Variants in ACOT1 observed in about 807,000 individuals in gnomAD.
ACOT1 encodes acyl-CoA thioesterase 1.
Under a neutral mutation model 15.7 loss-of-function variants are expected in ACOT1, and 8 were observed. That is an observed-to-expected ratio of 0.51 (90% confidence interval 0.30 to 0.92). The LOEUF (loss-of-function observed/expected upper bound fraction) is 0.92, where lower values mean the gene tolerates loss of function less well. Ranked by LOEUF, ACOT1 falls within the 40% of genes least tolerant of loss-of-function variation. ACOT1 has a pLI of 0.06. For missense variants in ACOT1, 151 were observed against 539.4 expected, an observed-to-expected ratio of 0.28 and a Z score of 7.13; for synonymous variants, 67 against 241.2, an observed-to-expected ratio of 0.28 and a Z score of 6.69.
chr14:73,534,380 A>G (rs1311198004), upstream of ACOT1, among the ~76,000 whole-genome samples: 1 of 97,876 alleles, frequency 1.0e-5, no homozygotes, highest in Non-Finnish European at 2.2e-5. Context: ...CTCTGTCTTG[A>G]AAAAAAAAAA....
chr14:73,496,739 G>T, the ACOT1 span: 1 of 931,580 alleles, frequency 1.1e-6, no homozygotes, highest in Non-Finnish European at 1.8e-6. Context: ...AAGTATGGGG[G>T]TAGAAAATAT....
the ACOT1 span, among the ~76,000 whole-genome samples, chr14:73,529,411 C>A: frequency 6.6e-6 from 1 of 151,156 alleles, no homozygotes; most frequent in Non-Finnish European, 1.5e-5. Context: ...CAGACCAGGC[C>A]CTGGAATGAG....
At chr14:73,494,618 T>C in the ACOT1 span, among the ~76,000 whole-genome samples, 8 of 152,250 alleles carry the variant, frequency 5.3e-5, no homozygotes, top group Admixed American at 1.3e-4. Context: ...TGGTGAGATA[T>C]TGGGTTACTG....
chr14:73,529,365 AAAAAAAAAAAAATT>A, the ACOT1 span, among the ~76,000 whole-genome samples: 3 of 150,394 alleles, frequency 2.0e-5, no homozygotes, highest in Admixed American at 1.3e-4. Flanking sequence ...AAAAAAAAAA[AAAAAAAAAAAAATT>A]AAGTCAATCC....
At chr14:73,528,601 C>A in the ACOT1 span, among the ~76,000 whole-genome samples, 1 of 152,034 alleles carries the variant, frequency 6.6e-6, no homozygotes, top group Admixed American at 6.6e-5. Context: ...TTGTGCACTT[C>A]CCAGTCATGT....
At chr14:73,500,582 C>T in the ACOT1 span, 2 of 1,613,712 alleles carry the variant, frequency 1.2e-6, no homozygotes, top group Non-Finnish European at 1.7e-6. Context: ...GCACCAGCTG[C>T]CAAACAGGCT....
In ACOT1 at chr14:73,541,673, A is replaced by G; in HGVS notation, c.638A>G (p.Asn213Ser). Residue 213 changes from asparagine (N) to serine (S), a missense_variant, in exon 2 of 3, where the codon AAC becomes AGC. Transcript: ENST00000311148. Reference protein sequence around the residue: ...LHLEYFEEAVNYLLSHPEVKG... With the variant: ...LHLEYFEEAVSYLLSHPEVKG... ...CTGGAGTACTTTGAAGAAGCTGTGA[A>G]CTACTTGCTCAGTCATCCTGAGGTG... is the stretch of plus-strand genomic sequence containing the variant. 8.0e-7 allele frequency: 1 copy of G among 1,243,186 alleles called. No homozygotes were observed. The allele number at this position is 1,243,186 out of a possible 1,614,324, so 77.0% of individuals were successfully genotyped here.
chr14:73,496,818 C>G, the ACOT1 span: 1 of 610,090 alleles, frequency 1.6e-6, no homozygotes, highest in South Asian at 2.0e-5. Flanking sequence ...GCCTTATATG[C>G]AAAAATGGTA....
chr14:73,517,972 G>C, the ACOT1 span, among the ~76,000 whole-genome samples: 8 of 152,180 alleles, frequency 5.3e-5, no homozygotes. Flanking sequence ...TGTAGTCCCA[G>C]CTACTCGTGA....
chr14:73,491,579 G>C, the ACOT1 span: 2 of 1,543,774 alleles, frequency 1.3e-6, no homozygotes, highest in South Asian at 1.2e-5. Context: ...GCTGCGGCGC[G>C]TCTTGGCCGA....
At chr14:73,508,473 G>A in the ACOT1 span, among the ~76,000 whole-genome samples, 2 of 152,108 alleles carry the variant, frequency 1.3e-5, no homozygotes, top group African/African-American at 4.8e-5. Flanking sequence ...TATTGGCTGG[G>A]CACGGTGGCT....
the ACOT1 span, among the ~76,000 whole-genome samples, chr14:73,523,869 A>G: frequency 6.6e-6 from 1 of 152,178 alleles, no homozygotes; most frequent in African/African-American, 2.4e-5. Context: ...TGTTAATCCT[A>G]TGATACCTCG....
rs1234811444 is a variant in ACOT1 at position 73,541,826 on chromosome 14, C to G, written c.660+131C>G. 7 of 625,582 alleles carry G rather than the reference C, an allele frequency of 1.1e-5. 2 individuals carry two copies. Among genetic ancestry groups the G allele is most frequent in the Non-Finnish European group, 1.8e-5 (7 of 399,258 alleles). The allele number at this position is 625,582 out of a possible 1,614,324, so 38.8% of individuals were successfully genotyped here. A position where few individuals can be genotyped will look rare whatever the true frequency, so the allele number is the denominator to read the frequency against. ...CAACACACACTACCTTTTTTAGTCACTTCTTATAGACAGTTTCTTTCTTTC... is the reference window on the plus strand; with the variant it reads ...CAACACACACTACCTTTTTTAGTCAGTTCTTATAGACAGTTTCTTTCTTTC... On this transcript the variant is annotated intron_variant, in intron 2 of 2. Transcript: ENST00000311148.
the ACOT1 span, among the ~76,000 whole-genome samples, chr14:73,506,764 T>C: frequency 6.7e-6 from 1 of 149,788 alleles, no homozygotes; most frequent in Non-Finnish European, 1.5e-5. Context: ...ATTTAATAAC[T>C]TAAACAGAAA....
At chr14:73,519,127 CTCTT>C in the ACOT1 span, 2 of 1,613,690 alleles carry the variant, frequency 1.2e-6, no homozygotes, top group Admixed American at 1.7e-5. Flanking sequence ...AATCTGGTCT[CTCTT>C]TGCACCAATC....
At chr14:73,509,864 ATATATTTATT>A in the ACOT1 span, among the ~76,000 whole-genome samples, 217 of 67,776 alleles carry the variant, frequency 3.2e-3, 19 homozygotes, top group Non-Finnish European at 5.1e-3. Context: ...ATATATATAT[ATATATTTATT>A]TATTTTATAT....
chr14:73,508,213 A>C, the ACOT1 span: 3 of 1,613,850 alleles, frequency 1.9e-6, no homozygotes. Flanking sequence ...CAGCTGGTGG[A>C]GGATCCTCTT....
the ACOT1 span, chr14:73,493,124 T>C: frequency 1.2e-6 from 2 of 1,612,826 alleles, no homozygotes; most frequent in Admixed American, 1.7e-5. Flanking sequence ...AACCATCTCA[T>C]CTAGGTACAA....
chr14:73,491,739 T>C, the ACOT1 span: 1 of 1,554,758 alleles, frequency 6.4e-7, no homozygotes. Flanking sequence ...TACCAGGGAC[T>C]TTTCTCTACC....
Sources: allele counts gnomAD v4.1 joint callset (sites outside exome capture counted in the v4.1 genomes callset), GRCh38; gene constraint gnomAD v4.1.1; transcripts MANE v1.5; gene names NCBI Gene and HGNC (gene_info 2026-07-23, HGNC 2026-07-21).